The following YTHDF2 variants were observed in gnomAD, a reference collection of about 807,000 sequenced individuals.
YTHDF2 encodes the protein YTH N6-methyladenosine RNA binding protein F2.
YTHDF2 carries 2 observed loss-of-function variants against 50.4 expected under a neutral mutation model. That is an observed-to-expected ratio of 0.04 (90% confidence interval 0.02 to 0.12). YTHDF2 has a LOEUF of 0.12. Among genes scored for constraint, YTHDF2 ranks in the 10% least tolerant of loss-of-function variants. The pLI is 1.00. For missense variants in YTHDF2, 483 were observed against 722.6 expected (o/e 0.67, Z 3.80); for synonymous variants, 217 against 255.6 (o/e 0.85, Z 1.44).
rs1469471545 is a variant in YTHDF2, at chr1:28,764,659, G to A, written c.1717-4270G>A. 5.5e-4 allele frequency among the ~76,000 whole-genome samples: 81 copies of A among 147,338 alleles called. 1 individual carries two copies. Among genetic ancestry groups the A allele is most frequent in the Middle Eastern group, 3.7e-3 (1 of 270 alleles). On this transcript the variant is annotated intron_variant, in intron 4 of 4. Transcript: ENST00000373812. ...CCTGACCTCGTGATCCACCCACCTC[G>A]GCCTCCCAAAGTGCTGGGATTACAG...
chr1:28,767,842 A>G (rs1256154726), intron 4 of YTHDF2, among the ~76,000 whole-genome samples: 14 of 568 alleles, frequency 0.025, no homozygotes, highest in African/African-American at 0.06. Flanking sequence ...GGGTTTCACC[A>G]TGTTGGCCAG....
intron 1 of YTHDF2, 114 bp from the exon 2 acceptor site, chr1:28,737,544 C>T: frequency 2.1e-6 from 3 of 1,420,224 alleles, no homozygotes; most frequent in Non-Finnish European, 1.9e-6. Context: ...TTCCTGACGC[C>T]TCCCCTCGGG....
At chr1:28,761,106 AGT>A (rs137903917) in intron 4 of YTHDF2, among the ~76,000 whole-genome samples, 62,587 of 121,064 alleles carry the variant, frequency 0.52, 17,169 homozygotes, top group African/African-American at 0.69. Flanking sequence ...ATCGTGCATG[AGT>A]GTGTGTGTGT....
chr1:28,752,359 G>T (rs951607831), intron 4 of YTHDF2, among the ~76,000 whole-genome samples: 4 of 152,156 alleles, frequency 2.6e-5, no homozygotes, highest in African/African-American at 4.8e-5. Flanking sequence ...GTGCAGTGCA[G>T]TGGCATGATC....
At chr1:28,766,971 A>G (rs2088228904) in intron 4 of YTHDF2, among the ~76,000 whole-genome samples, 6 of 150,752 alleles carry the variant, frequency 4.0e-5, no homozygotes, top group South Asian at 2.1e-4. Flanking sequence ...AGCTGGGACC[A>G]CAGGCACATG....
In YTHDF2 at chr1:28,743,678, G is replaced by A. The variant is rs775516240; in HGVS notation, c.1408G>A (p.Val470Met). The A allele has an allele frequency of 2.0e-5, 32 of 1,614,084 alleles. No homozygotes were observed. The highest frequency in any genetic ancestry group is 8.3e-5 in the Admixed American group (5 of 59,996). ...SVNGSGHFCG[V>M]AEMKSAVDYN... ...CAACGGCAGTGGACACTTCTGTGGC[G>A]TGGCAGAAATGAAATCTGCTGTGGA... Residue 470 changes from valine (V) to methionine (M), a missense_variant, in exon 4 of 5, where the codon GTG becomes ATG. This residue lies in a region of YTHDF2 where 59 missense variants were observed against 168.9 expected (regional missense o/e 0.35). Transcript: ENST00000373812. The surrounding 1 kb of genome is among the most constrained non-coding windows in gnomAD (Gnocchi z 6.9).
At chr1:28,738,585 C>T (rs1203961963) in intron 3 of YTHDF2, among the ~76,000 whole-genome samples, 1 of 152,164 alleles carries the variant, frequency 6.6e-6, no homozygotes, top group Non-Finnish European at 1.5e-5. Flanking sequence ...GGTGGGATTA[C>T]ACGTGTGCAC....
chr1:28,740,905 T>G (rs1239423632), intron 3 of YTHDF2, among the ~76,000 whole-genome samples: 2 of 151,870 alleles, frequency 1.3e-5, no homozygotes, highest in African/African-American at 4.8e-5. Flanking sequence ...GGGTTTTAAC[T>G]GTGTTAGCCA....
At chr1:28,760,617 G>A (rs889847804) in intron 4 of YTHDF2, among the ~76,000 whole-genome samples, 1 of 151,214 alleles carries the variant, frequency 6.6e-6, no homozygotes, top group Non-Finnish European at 1.5e-5. Flanking sequence ...TCACTCTGTT[G>A]CCCGGGCTGG....
rs2087698113 is a variant in YTHDF2 at position 28,737,018 on chromosome 1, G to A, written c.-103G>A. ...CGTCCGCCGAGGCCCCCGAGTGTCAGGGACAAAAGCCTCCGCCTGCTCCCG... is the reference window on the plus strand; with the variant it reads ...CGTCCGCCGAGGCCCCCGAGTGTCAAGGACAAAAGCCTCCGCCTGCTCCCG... On this transcript the variant is annotated 5_prime_UTR_variant, in exon 1 of 5. Transcript: ENST00000373812. 6.8e-7 allele frequency: 1 copy of A among 1,467,624 alleles called. No homozygotes were observed. Among genetic ancestry groups the A allele is most frequent in the Non-Finnish European group, 9.2e-7 (1 of 1,085,858 alleles). The allele number at this position is 1,467,624 out of a possible 1,614,324, so 90.9% of individuals were successfully genotyped here.
intron 4 of YTHDF2, among the ~76,000 whole-genome samples, chr1:28,765,934 AC>A (rs1447908806): frequency 1.3e-5 from 2 of 152,232 alleles, no homozygotes; most frequent in Non-Finnish European, 2.9e-5. Flanking sequence ...TTACATAACC[AC>A]AGTGCATTTA....
intron 3 of YTHDF2, 109 bp downstream of exon 3, chr1:28,738,447 T>C: frequency 9.4e-7 from 1 of 1,059,532 alleles, no homozygotes; most frequent in Non-Finnish European, 1.4e-6. Flanking sequence ...TTCTTTTTTC[T>C]GTTTTCTGTT....
chr1:28,741,224 C>G (rs1197146859), intron 3 of YTHDF2, among the ~76,000 whole-genome samples: 1 of 151,608 alleles, frequency 6.6e-6, no homozygotes, highest in Admixed American at 6.6e-5. Context: ...TCTCCAACTC[C>G]TGGCCTCAAG....
chr1:28,751,928 A>G (rs756602518), intron 4 of YTHDF2, among the ~76,000 whole-genome samples: 34 of 152,238 alleles, frequency 2.2e-4, no homozygotes, highest in African/African-American at 8.0e-4. Context: ...TAAGCACTCA[A>G]ATGGCAGCAC....
intron 4 of YTHDF2, among the ~76,000 whole-genome samples, chr1:28,749,179 C>CTTTTTTTTTTTTTT (rs60729215): frequency 1.9e-5 from 2 of 107,426 alleles, no homozygotes; most frequent in African/African-American, 3.7e-5. Context: ...TTCTTTCTTC[C>CTTTTTTTTTTTTTT]TTTTTTTTTT....
chr1:28,762,889 G>A (rs760762832), intron 4 of YTHDF2, among the ~76,000 whole-genome samples: 1 of 152,066 alleles, frequency 6.6e-6, no homozygotes, highest in Non-Finnish European at 1.5e-5. Context: ...CTAGGCTGGA[G>A]TGCAGTGGCG....
At chr1:28,745,982 T>G (rs913723159) in intron 4 of YTHDF2, among the ~76,000 whole-genome samples, 1 of 152,176 alleles carries the variant, frequency 6.6e-6, no homozygotes, top group African/African-American at 2.4e-5. Context: ...GAGGTTGTAG[T>G]GAGCCATGAT....
chr1:28,737,761 C>A, intron 2 of YTHDF2, 79 bp downstream of exon 2: 1 of 1,565,174 alleles, frequency 6.4e-7, no homozygotes, highest in South Asian at 1.1e-5. Context: ...GGAAGCGCCC[C>A]GGGCGGAGGA....
intron 4 of YTHDF2, among the ~76,000 whole-genome samples, chr1:28,745,094 C>T (rs533385361): frequency 1.3e-5 from 2 of 152,272 alleles, no homozygotes; most frequent in South Asian, 4.1e-4. Context: ...TAAAGTCTAA[C>T]AAGCAATGTT....
Sources: allele counts gnomAD v4.1 joint callset (sites outside exome capture counted in the v4.1 genomes callset), GRCh38; gene constraint gnomAD v4.1.1; regional missense constraint gnomAD v4.1.1; non-coding constraint Gnocchi (gnomAD v3.1); transcripts MANE v1.5; gene names NCBI Gene and HGNC (gene_info 2026-07-23, HGNC 2026-07-21).